AMACR: variants seen among roughly 807,000 people sequenced by gnomAD.
AMACR encodes the protein alpha-methylacyl-CoA racemase, also known as 2-methylacyl-CoA racemase.
A neutral mutation model predicts 22.2 loss-of-function variants in AMACR; 18 were observed. The ratio of observed to expected loss-of-function variants is 0.81; its 90% CI spans 0.56 to 1.20. The LOEUF (loss-of-function observed/expected upper bound fraction) is 1.20, where lower values mean the gene tolerates loss of function less well. AMACR is among the 50% of genes most tolerant of loss of function. AMACR has a pLI of 0.00. For missense variants in AMACR, 499 were observed against 490.6 expected (o/e 1.02, Z -0.16); for synonymous variants, 213 against 191.3 (o/e 1.11, Z -0.94).
chr5:34,006,198 T>C (rs554312747), intron 1 of AMACR, among the ~76,000 whole-genome samples: 141 of 152,330 alleles, frequency 9.3e-4, no homozygotes, highest in Non-Finnish European at 1.8e-3. Context: ...ATCCCTTTTC[T>C]CTTTTTCTAT....
intron 4 of AMACR, among the ~76,000 whole-genome samples, chr5:33,991,679 G>GTT (rs753776019): frequency 7.9e-5 from 12 of 151,530 alleles, no homozygotes; most frequent in Admixed American, 5.3e-4. Flanking sequence ...AATTCAAGTT[G>GTT]TAAGTATTCA....
Position 33,998,819 on chromosome 5 carries a change from T to A in AMACR, c.561A>T (p.Gly187=), listed in dbSNP as rs143478366. 7.4e-6 allele frequency: 12 copies of A among 1,614,042 alleles called. No individual in the cohort carries two copies. In the African/African-American group the frequency reaches 1.3e-4, roughly 18 times the overall value. Residue 187 remains glycine (G), a synonymous_variant, in exon 4 of 5, where the codon GGA becomes GGT. Coordinates refer to ENST00000335606, the MANE Select transcript of AMACR (RefSeq NM_014324.6). ...ACAGAAAAGAACTTAAATATGCTGT[T>A]CCTTCCACCTTTGAGAAAACAGAAT... ...GQVIDANMVE[G]TAYLSSFLWK...
intron 4 of AMACR, among the ~76,000 whole-genome samples, chr5:33,994,890 C>T (rs1561039851): frequency 6.6e-6 from 1 of 152,116 alleles, no homozygotes; most frequent in Non-Finnish European, 1.5e-5. Flanking sequence ...TCAGTGTTTC[C>T]AGGAAGGCTC....
In AMACR at chr5:33,991,577, C is replaced by T. The variant is rs576304399; in HGVS notation, c.740-2075G>A. Reference sequence around the variant, plus strand: ...TTCCAAAAAATAACTACCATACACACACACACACACGTTACACAAAATGCT... The same window carrying T: ...TTCCAAAAAATAACTACCATACACATACACACACACGTTACACAAAATGCT... On this transcript the variant is annotated intron_variant, in intron 4 of 4. Transcript: ENST00000335606. Among the ~76,000 whole-genome samples, 5 of 152,190 alleles carry T rather than the reference C, an allele frequency of 3.3e-5. No individual in the cohort carries two copies. The East Asian group carries it at 9.7e-4, about 29-fold the overall frequency.
intron 4 of AMACR, among the ~76,000 whole-genome samples, chr5:33,989,950 A>T (rs1753424370): frequency 6.6e-6 from 1 of 152,216 alleles, no homozygotes; most frequent in South Asian, 2.1e-4. Context: ...CTGAAGACAA[A>T]TTATTTAATT....
intron 3 of AMACR, among the ~76,000 whole-genome samples, chr5:34,001,615 C>T (rs1242879471): frequency 6.6e-6 from 1 of 152,226 alleles, no homozygotes; most frequent in African/African-American, 2.4e-5. Flanking sequence ...TTTAACAACG[C>T]TGTGCTCATC....
chr5:34,003,284 G>C (rs1272359449), intron 3 of AMACR, among the ~76,000 whole-genome samples: 1 of 152,072 alleles, frequency 6.6e-6, no homozygotes, highest in Admixed American at 6.6e-5. Flanking sequence ...ATCCCACCTG[G>C]ATATCTGAAA....
chr5:33,998,671 C>T lies in AMACR; in HGVS notation c.709G>A (p.Glu237Lys). 1 of 1,612,888 alleles carries T rather than the reference C, an allele frequency of 6.2e-7. No individual in the cohort carries two copies. The highest frequency in any genetic ancestry group is 8.5e-7 in the Non-Finnish European group (1 of 1,179,170). The change falls in exon 4 of 5, where the codon GAA (glutamate) becomes AAA (lysine). Residue 237 changes from glutamate (E) to lysine (K), a missense_variant. By Grantham distance (56) the Glu-to-Lys change is moderately conservative (BLOSUM62 1). Transcript: ENST00000335606. ...ATCAGCAGCTCGTAGAACTGGGGTTCTATTGCTCCAACAGCCATGAATTCC... is the reference window on the plus strand; with the variant it reads ...ATCAGCAGCTCGTAGAACTGGGGTTTTATTGCTCCAACAGCCATGAATTCC... The part of the protein sequence containing the change: ...DGEFMAVGAI[E>K]PQFYELLIKG...
At position 33,988,344 on chromosome 5, in the gene AMACR, C is replaced by G; in HGVS notation, c.*749G>C. The G allele has an allele frequency of 6.5e-7, 1 of 1,541,586 alleles. No individual in the cohort carries two copies. The highest frequency in any genetic ancestry group is 1.7e-4 in the Middle Eastern group (1 of 5,996). On this transcript the variant is annotated 3_prime_UTR_variant, in exon 5 of 5. Coordinates refer to ENST00000335606, the MANE Select transcript of AMACR (RefSeq NM_014324.6). ...TGTTGCTGTGTGTTGGGTATAAGAT[C>G]CAGAACTTGCTACCAGCCTGAGGAG... is the stretch of plus-strand genomic sequence containing the variant.
At chr5:34,004,449 G>T in intron 3 of AMACR, 125 bp downstream of exon 3, 2 of 1,236,954 alleles carry the variant, frequency 1.6e-6, no homozygotes, top group South Asian at 1.2e-5. Context: ...GGATATCCTT[G>T]GTAACCTGGC....
intron 4 of AMACR, 104 bp downstream of exon 4, chr5:33,998,537 G>T: frequency 8.5e-7 from 1 of 1,179,638 alleles, no homozygotes; most frequent in Non-Finnish European, 1.2e-6. Context: ...TTAGAAAGTG[G>T]CTATATAATA....
intron 1 of AMACR, 104 bp downstream of exon 1, chr5:34,007,669 G>C (rs891991921): frequency 7.1e-7 from 1 of 1,416,354 alleles, no homozygotes; most frequent in African/African-American, 1.5e-5. Flanking sequence ...AAGGGTTCTT[G>C]CGGCAACAGG....
intron 3 of AMACR, 33 bp downstream of exon 3, chr5:34,004,541 A>C (rs1370513523): frequency 6.2e-7 from 1 of 1,613,798 alleles, no homozygotes; most frequent in South Asian, 1.1e-5. Context: ...ACTTAGGGAC[A>C]AGTGGCAGGC....
intron 4 of AMACR, among the ~76,000 whole-genome samples, chr5:33,994,326 G>A (rs976060572): frequency 7.9e-5 from 12 of 152,014 alleles, no homozygotes; most frequent in Non-Finnish European, 1.5e-4. Context: ...TTACAGACAC[G>A]CGCCACCATA....
chr5:34,008,002 G>C lies in AMACR; in HGVS notation c.18C>G (p.Ile6Met). The C allele has an allele frequency of 6.2e-7, 1 of 1,611,104 alleles. No individual in the cohort carries two copies. The highest frequency in any genetic ancestry group is 8.5e-7 in the Non-Finnish European group (1 of 1,179,774). ...CCAGGCCGGACAGCTCCACGACCGAGATGCCCTGCAGTGCCATGGCGCTTC... is the reference window on the plus strand; with the variant it reads ...CCAGGCCGGACAGCTCCACGACCGACATGCCCTGCAGTGCCATGGCGCTTC... MALQG[I>M]SVVELSGLAP... is the part of the protein sequence containing the mutation. The change falls in exon 1 of 5, where the codon ATC becomes ATG. Residue 6 changes from isoleucine to methionine, a missense_variant. Ile to Met is a conservative substitution (Grantham distance 10). Coordinates refer to ENST00000335606, the MANE Select transcript of AMACR (RefSeq NM_014324.6).
chr5:33,995,620 T>G (rs1753610502), intron 4 of AMACR, among the ~76,000 whole-genome samples: 1 of 152,174 alleles, frequency 6.6e-6, no homozygotes, highest in Admixed American at 6.5e-5. Flanking sequence ...TTCAGTACTA[T>G]CTGCAGTTTC....
chr5:33,994,186 T>C, intron 4 of AMACR: 3 of 393,854 alleles, frequency 7.6e-6, no homozygotes, highest in South Asian at 5.5e-5. Flanking sequence ...TTACTATTAT[T>C]GTTGTTGTTT....
In AMACR at chr5:34,007,837, C is replaced by T. The variant is rs922245020; in HGVS notation, c.183G>A (p.Arg61=). Residue 61 remains arginine, a synonymous_variant, in exon 1 of 5, where the codon CGG becomes CGA. Transcript: ENST00000335606. ...RSLVLDLKQP[R]GAAVLRRLCK... ...ACAGACGCCGCAGCACGGCGGCTCC[C>T]CGCGGCTGCTTCAGGTCCAGCACTA... 13 of 1,578,776 alleles carry T rather than the reference C, an allele frequency of 8.2e-6. No individual in the cohort carries two copies. The Admixed American group carries it at 2.0e-4, about 24-fold the overall frequency.
At chr5:33,994,272 C>T (rs563269193) in intron 4 of AMACR, among the ~76,000 whole-genome samples, 11 of 152,196 alleles carry the variant, frequency 7.2e-5, no homozygotes, top group African/African-American at 1.9e-4. Flanking sequence ...CTCTGCCTCC[C>T]GGTTCAAGTG....
Sources: gnomAD v4.1 joint callset for allele counts (sites outside exome capture counted in the v4.1 genomes callset) on GRCh38, gnomAD v4.1.1 for gene constraint, MANE v1.5 for transcripts, NCBI Gene and HGNC (gene_info 2026-07-23, HGNC 2026-07-21) for gene names.